The following DYRK4 variants were observed in gnomAD, a reference collection of about 807,000 sequenced individuals.
The protein encoded by DYRK4 is dual specificity tyrosine-phosphorylation-regulated kinase 4.
In DYRK4, 64 loss-of-function variants were observed where a neutral mutation model predicts 68.3. The observed-to-expected ratio is 0.94, with a 90% CI of 0.77 to 1.15. The LOEUF (loss-of-function observed/expected upper bound fraction) is 1.15. DYRK4 is among the 50% of genes most tolerant of loss of function. DYRK4 has a pLI of 0.00. For missense variants in DYRK4, 740 were observed against 764.7 expected (o/e 0.97, Z 0.38); for synonymous variants, 274 against 289.9 (o/e 0.95, Z 0.56).
chr12:4,569,048 A>C (rs11063234), intron 2 of DYRK4, among the ~76,000 whole-genome samples: 52,137 of 151,892 alleles, frequency 0.34, 10,343 homozygotes, highest in Middle Eastern at 0.47. Context: ...AATCACATAT[A>C]TTTACTTAAA....
rs115806509 is a variant in DYRK4 at position 4,571,909 on chromosome 12, C to T, written c.132+3861C>T. On this transcript the variant is annotated intron_variant, in intron 2 of 14. Transcript: ENST00000543431. Reference sequence around the variant, plus strand: ...CTGGCTCAGTGCCAACTCCCCAGAACTTAGGTCAGTGCCTCCCACAGACTA... The same window carrying T: ...CTGGCTCAGTGCCAACTCCCCAGAATTTAGGTCAGTGCCTCCCACAGACTA... 6.6e-3 allele frequency among the ~76,000 whole-genome samples: 1,003 copies of T among 152,314 alleles called. 9 individuals carry two copies. Among genetic ancestry groups the T allele is most frequent in the African/African-American group, 0.022 (933 of 41,558 alleles).
Position 4,583,811 on chromosome 12 carries a change from C to G in DYRK4, c.133-5126C>G, listed in dbSNP as rs183663842. 2.0e-3 allele frequency among the ~76,000 whole-genome samples: 304 copies of G among 152,310 alleles called. 1 individual carries two copies. The highest frequency in any genetic ancestry group is 6.9e-3 in the African/African-American group (288 of 41,568). On this transcript the variant is annotated intron_variant, in intron 2 of 14. Coordinates refer to ENST00000543431, the MANE Select transcript of DYRK4 (RefSeq NM_001394779.1). ...AGAAGTAGTGTCAGGGAAGATGACA[C>G]TTAGTGAAATTCTACTCCCTCCTGA...
chr12:4,611,813 G>C (rs988643165), intron 13 of DYRK4, among the ~76,000 whole-genome samples: 3 of 152,136 alleles, frequency 2.0e-5, no homozygotes, highest in Admixed American at 2.0e-4. Flanking sequence ...TCATTAGTTA[G>C]TAGCGATGTA....
chr12:4,567,006 A>G (rs1184435068), intron 1 of DYRK4, among the ~76,000 whole-genome samples: 1 of 152,248 alleles, frequency 6.6e-6, no homozygotes, highest in Non-Finnish European at 1.5e-5. Flanking sequence ...GGGCACATAT[A>G]AAGATCTATC....
intron 8 of DYRK4, among the ~76,000 whole-genome samples, chr12:4,598,464 T>C (rs1411644497): frequency 6.6e-6 from 1 of 152,262 alleles, no homozygotes; most frequent in Non-Finnish European, 1.5e-5. Flanking sequence ...TATAATATAG[T>C]AGGCTTCTGC....
At chr12:4,605,744 T>G (rs1024126227) in intron 11 of DYRK4, among the ~76,000 whole-genome samples, 2 of 146,948 alleles carry the variant, frequency 1.4e-5, no homozygotes, top group African/African-American at 5.1e-5. Context: ...TTTTTTTTTT[T>G]TTTTTTTTTT....
At chr12:4,609,938 G>GA (rs1339582540) in intron 12 of DYRK4, 4 of 343,006 alleles carry the variant, frequency 1.2e-5, no homozygotes, top group South Asian at 1.2e-4. Context: ...TGAATAGTAG[G>GA]AAAAAATCAA....
chr12:4,567,706 T>C (rs1281277669), intron 1 of DYRK4, among the ~76,000 whole-genome samples: 1 of 152,216 alleles, frequency 6.6e-6, no homozygotes, highest in Non-Finnish European at 1.5e-5. Flanking sequence ...ATGGTTTTTT[T>C]CCCCTTTGGT....
chr12:4,596,701 C>G lies in DYRK4; in HGVS notation c.877C>G (p.His293Asp). ...HMKDFFYFRN[H>D]FCITFELLGI... is the part of the protein sequence containing the mutation. ...GAAGGACTTTTTCTACTTTCGCAAT[C>G]ACTTCTGCATCACCTTTGAGCTCCT... is the stretch of plus-strand genomic sequence containing the variant. Residue 293 changes from histidine to aspartate, a missense_variant, in exon 8 of 15, where the codon CAC becomes GAC. Coordinates refer to ENST00000543431, the MANE Select transcript of DYRK4 (RefSeq NM_001394779.1). 1 of 1,614,242 alleles carries G rather than the reference C, an allele frequency of 6.2e-7. No individual in the cohort carries two copies. The highest frequency in any genetic ancestry group is 8.5e-7 in the Non-Finnish European group (1 of 1,180,042).
chr12:4,608,269 GGAGT>G (rs1945176865), intron 12 of DYRK4, among the ~76,000 whole-genome samples: 1 of 152,152 alleles, frequency 6.6e-6, no homozygotes, highest in Non-Finnish European at 1.5e-5. Context: ...CATGCTACCT[GGAGT>G]GACATTTCTG....
intron 2 of DYRK4, chr12:4,573,432 G>A: frequency 7.8e-7 from 1 of 1,276,408 alleles, no homozygotes; most frequent in Non-Finnish European, 1.0e-6. Flanking sequence ...ACAAAGATTT[G>A]AAATTACCTT....
At chr12:4,605,611 ATTTC>A (rs1945136399) in intron 11 of DYRK4, among the ~76,000 whole-genome samples, 1 of 152,050 alleles carries the variant, frequency 6.6e-6, no homozygotes, top group Admixed American at 6.6e-5. Context: ...ATGTGTAAAA[ATTTC>A]TTTCTGGTAA....
intron 2 of DYRK4, among the ~76,000 whole-genome samples, chr12:4,572,240 A>G (rs1661597706): frequency 6.6e-6 from 1 of 152,158 alleles, no homozygotes; most frequent in Non-Finnish European, 1.5e-5. Flanking sequence ...CACCCAGGGA[A>G]GTTTTAAAGA....
At chr12:4,592,031 G>A (rs78937372) in intron 5 of DYRK4, among the ~76,000 whole-genome samples, 1,989 of 152,022 alleles carry the variant, frequency 0.013, 17 homozygotes, top group Non-Finnish European at 0.019. Context: ...CAAATCCACC[G>A]AGCATCCACT....
chr12:4,563,112 G>A, intron 1 of DYRK4: 1 of 456,046 alleles, frequency 2.2e-6, no homozygotes, highest in Non-Finnish European at 4.4e-6. Context: ...AGTTCAAACC[G>A]TGGAAACAAC....
chr12:4,567,608 T>C (rs1944690404), intron 1 of DYRK4, among the ~76,000 whole-genome samples: 1 of 152,244 alleles, frequency 6.6e-6, no homozygotes, highest in African/African-American at 2.4e-5. Context: ...TTAAACTATC[T>C]AAGTAGCCCA....
In DYRK4 at chr12:4,596,702, A is replaced by G. The variant is rs778651816; in HGVS notation, c.878A>G (p.His293Arg). 1 of 1,614,100 alleles carries G rather than the reference A, an allele frequency of 6.2e-7. No homozygotes were observed. The highest frequency in any genetic ancestry group is 8.5e-7 in the Non-Finnish European group (1 of 1,180,026). ...HMKDFFYFRNHFCITFELLGI... is the reference protein window; with the variant it reads ...HMKDFFYFRNRFCITFELLGI... Reference sequence around the variant, plus strand: ...AAGGACTTTTTCTACTTTCGCAATCACTTCTGCATCACCTTTGAGCTCCTG... The same window carrying G: ...AAGGACTTTTTCTACTTTCGCAATCGCTTCTGCATCACCTTTGAGCTCCTG... The change falls in exon 8 of 15, where the codon CAC becomes CGC. Residue 293 changes from histidine (H) to arginine (R), a missense_variant. Coordinates refer to ENST00000543431, the MANE Select transcript of DYRK4 (RefSeq NM_001394779.1).
At chr12:4,604,814 C>A in intron 10 of DYRK4, 100 bp from the exon 11 acceptor site, 2 of 1,402,290 alleles carry the variant, frequency 1.4e-6, no homozygotes, top group Non-Finnish European at 1.9e-6. Context: ...CCTTTCACTG[C>A]CAGCGGGGGC....
At chr12:4,590,102 G>T in intron 3 of DYRK4, 2 of 1,263,012 alleles carry the variant, frequency 1.6e-6, no homozygotes, top group Non-Finnish European at 2.0e-6. Context: ...AAAGCCTGCA[G>T]CTAGTAAGTA....
Sources: allele counts gnomAD v4.1 joint callset (sites outside exome capture counted in the v4.1 genomes callset), GRCh38; gene constraint gnomAD v4.1.1; transcripts MANE v1.5; gene names NCBI Gene and HGNC (gene_info 2026-07-23, HGNC 2026-07-21).